Variants in ADGB observed in about 807,000 individuals in gnomAD.
The protein encoded by ADGB is calpain-7-like protein.
Under a neutral mutation model 210.5 loss-of-function variants are expected in ADGB, and 172 were observed. The ratio of observed to expected loss-of-function variants is 0.82; its 90% CI spans 0.72 to 0.93. The LOEUF (loss-of-function observed/expected upper bound fraction) is 0.93, where lower values mean the gene tolerates loss of function less well. Ranked by LOEUF, ADGB falls within the 40% of genes least tolerant of loss-of-function variation. The pLI is 0.00. For missense variants in ADGB, 2,025 were observed against 1,964.8 expected, an observed-to-expected ratio of 1.03 and a Z score of -0.58; for synonymous variants, 658 against 662.7, an observed-to-expected ratio of 0.99 and a Z score of 0.11.
intron 12 of ADGB, among the ~76,000 whole-genome samples, chr6:146,697,318 G>T (rs907715306): frequency 3.9e-5 from 6 of 152,164 alleles, no homozygotes; most frequent in Non-Finnish European, 8.8e-5. Flanking sequence ...AATTTTTAAT[G>T]CAGCAATAGG....
chr6:146,694,249 T>A (rs1229939011), intron 12 of ADGB, among the ~76,000 whole-genome samples: 1 of 152,148 alleles, frequency 6.6e-6, no homozygotes, highest in East Asian at 1.9e-4. Flanking sequence ...TTGTGGCTTG[T>A]AAATAACAAA....
intron 2 of ADGB, among the ~76,000 whole-genome samples, chr6:146,636,853 A>G (rs2114860455): frequency 6.6e-6 from 1 of 152,162 alleles, no homozygotes; most frequent in South Asian, 2.1e-4. Context: ...TTCCTTAAGC[A>G]TCCAAATATA....
At chr6:146,609,485 G>C (rs1433436288) in intron 1 of ADGB, among the ~76,000 whole-genome samples, 1 of 152,110 alleles carries the variant, frequency 6.6e-6, no homozygotes, top group Non-Finnish European at 1.5e-5. Context: ...TTATTGTGTA[G>C]TTTCTTTATA....
intron 21 of ADGB, among the ~76,000 whole-genome samples, chr6:146,733,520 C>T (rs77906305): frequency 4.4e-3 from 668 of 152,188 alleles, no homozygotes; most frequent in African/African-American, 0.015. Flanking sequence ...ATATGGAAGT[C>T]ACTAATCTAT....
At chr6:146,749,799 A>G (rs1248110285) in intron 26 of ADGB, among the ~76,000 whole-genome samples, 1 of 152,106 alleles carries the variant, frequency 6.6e-6, no homozygotes, top group African/African-American at 2.4e-5. Flanking sequence ...GGAAGCAGGA[A>G]GAGTCTTCAC....
At chr6:146,777,427 C>G (rs1777736301) in intron 29 of ADGB, among the ~76,000 whole-genome samples, 1 of 152,092 alleles carries the variant, frequency 6.6e-6, no homozygotes. Context: ...GTTAAAAAAG[C>G]ATAAAGCTCA....
rs866090728 is a variant in ADGB, at chr6:146,699,486, A to G, written c.1578-1455A>G. ...TTTCCTCTGTCACTTTCTTCTGCCC[A>G]GGCAGAAGATGGGTGTAATTTGATG... On this transcript the variant is annotated intron_variant, in intron 12 of 35. Coordinates refer to ENST00000397944, the MANE Select transcript of ADGB (RefSeq NM_024694.4). Among the ~76,000 whole-genome samples, 13 of 152,268 alleles carry G rather than the reference A, an allele frequency of 8.5e-5. No homozygotes were observed. In the Middle Eastern group the frequency reaches 0.01, roughly 120 times the overall value.
intron 20 of ADGB, among the ~76,000 whole-genome samples, chr6:146,729,359 T>A (rs529784799): frequency 1.3e-5 from 2 of 152,332 alleles, no homozygotes; most frequent in East Asian, 3.9e-4. Context: ...TTAGAAAGAT[T>A]TGTATTAGTT....
chr6:146,606,152 G>A (rs915619501), intron 1 of ADGB, among the ~76,000 whole-genome samples: 70 of 152,188 alleles, frequency 4.6e-4, no homozygotes, highest in African/African-American at 1.6e-3. Flanking sequence ...CTGTGGTTTT[G>A]ATTGGTATTT....
At chr6:146,652,014 T>C (rs1775710287) in intron 3 of ADGB, among the ~76,000 whole-genome samples, 1 of 152,194 alleles carries the variant, frequency 6.6e-6, no homozygotes, top group Non-Finnish European at 1.5e-5. Context: ...ACCAGACCTG[T>C]TTATTTCTGA....
intron 9 of ADGB, among the ~76,000 whole-genome samples, chr6:146,677,013 A>C (rs2114907849): frequency 6.6e-6 from 1 of 152,284 alleles, no homozygotes; most frequent in South Asian, 2.1e-4. Context: ...ATTTTTGTGA[A>C]AATGCTAGGG....
intron 9 of ADGB, among the ~76,000 whole-genome samples, chr6:146,677,315 T>C (rs1025847994): frequency 1.3e-5 from 2 of 152,178 alleles, no homozygotes; most frequent in African/African-American, 2.4e-5. Context: ...AGAGTGCAGG[T>C]TATCATTTTC....
At chr6:146,671,158 C>A (rs1776002532) in intron 7 of ADGB, among the ~76,000 whole-genome samples, 1 of 152,142 alleles carries the variant, frequency 6.6e-6, no homozygotes, top group African/African-American at 2.4e-5. Flanking sequence ...CTTTTACAAC[C>A]TCCTTAAAAT....
chr6:146,645,135 G>A (rs1243682198), intron 3 of ADGB, among the ~76,000 whole-genome samples: 1 of 151,904 alleles, frequency 6.6e-6, no homozygotes, highest in Non-Finnish European at 1.5e-5. Flanking sequence ...AACTTAAAAT[G>A]TTGTATGAAG....
chr6:146,809,698 C>CA (rs1778273871), intron 35 of ADGB, among the ~76,000 whole-genome samples: 1 of 151,796 alleles, frequency 6.6e-6, no homozygotes. Context: ...ACAAGGATGC[C>CA]AAAAATACAC....
At chr6:146,784,144 G>T (rs1222420822) in intron 30 of ADGB, among the ~76,000 whole-genome samples, 3 of 151,336 alleles carry the variant, frequency 2.0e-5, no homozygotes, top group Non-Finnish European at 4.4e-5. Context: ...CCGAGTTTAT[G>T]GAAATAATCT....
chr6:146,763,667 T>C (rs559765924), intron 27 of ADGB, among the ~76,000 whole-genome samples: 2 of 152,316 alleles, frequency 1.3e-5, no homozygotes, highest in South Asian at 4.1e-4. Context: ...AACTGTTGTA[T>C]ATACTTTTAG....
chr6:146,794,535 G>A (rs1432253475), intron 33 of ADGB, among the ~76,000 whole-genome samples: 1 of 151,820 alleles, frequency 6.6e-6, no homozygotes, highest in Non-Finnish European at 1.5e-5. Context: ...TTCTGAATGA[G>A]TTATAACTTC....
Position 146,656,985 on chromosome 6 carries a change from G to A in ADGB, c.612+5G>A, listed in dbSNP as rs769875554. 53 of 1,545,506 alleles carry A rather than the reference G, an allele frequency of 3.4e-5. No homozygotes were observed. The highest frequency in any genetic ancestry group is 2.1e-5 in the Non-Finnish European group (24 of 1,142,044). The stretch of plus-strand genomic sequence containing the variant: ...GTTGTGAAACTTTACTGGATGGTAA[G>A]TCCATTTTCGTGTGCATAAAAACTC... On this transcript the variant is annotated splice_donor_5th_base_variant and intron_variant, in intron 5 of 35. Transcript: ENST00000397944.
Sources: gnomAD v4.1 joint callset for allele counts (sites outside exome capture counted in the v4.1 genomes callset) on GRCh38, gnomAD v4.1.1 for gene constraint, MANE v1.5 for transcripts, NCBI Gene and HGNC (gene_info 2026-07-23, HGNC 2026-07-21) for gene names.